Variants in CDH6 observed in about 807,000 individuals in gnomAD.
CDH6 encodes cadherin-6.
CDH6 carries 31 observed loss-of-function variants against 78.0 expected under a neutral mutation model. The observed-to-expected ratio is 0.40, with a 90% CI of 0.30 to 0.54. The LOEUF (loss-of-function observed/expected upper bound fraction) is 0.54. Ranked by LOEUF, CDH6 falls within the 20% of genes least tolerant of loss-of-function variation. The probability of loss-of-function intolerance (pLI) is 0.56; values close to 1 mark genes in which losing one functional copy is unlikely to be tolerated. For missense variants in CDH6, 724 were observed against 975.9 expected (o/e 0.74, Z 3.44); for synonymous variants, 376 against 368.8 (o/e 1.02, Z -0.23).
rs756666660 is a variant in CDH6 at position 31,317,812 on chromosome 5, A to C, written c.1770A>C (p.Ala590=). ...STGTVTVRVC[A]CDHHGNMQSC... is the part of the protein sequence containing the mutation. Reference sequence around the variant, plus strand: ...GGACAGTGACTGTCCGGGTCTGTGCATGTGACCACCACGGGAACATGCAAT... The same window carrying C: ...GGACAGTGACTGTCCGGGTCTGTGCCTGTGACCACCACGGGAACATGCAAT... The change falls in exon 11 of 12, where the codon GCA becomes GCC. Residue 590 remains alanine (A), a synonymous_variant. Coordinates refer to ENST00000265071, the MANE Select transcript of CDH6 (RefSeq NM_004932.4). The C allele has an allele frequency of 5.0e-5, 81 of 1,614,140 alleles. No individual in the cohort carries two copies. In the Middle Eastern group the frequency reaches 2.0e-3, roughly 39 times the overall value.
intron 11 of CDH6, among the ~76,000 whole-genome samples, chr5:31,321,842 C>G (rs555975656): frequency 6.6e-6 from 1 of 152,240 alleles, no homozygotes; most frequent in South Asian, 2.1e-4. Flanking sequence ...TAACAATTCA[C>G]TTTTTGGCCT....
intron 6 of CDH6, among the ~76,000 whole-genome samples, chr5:31,304,964 T>A (rs185351289): frequency 1.3e-3 from 195 of 152,300 alleles, no homozygotes; most frequent in African/African-American, 4.4e-3. Flanking sequence ...ACAAACTTTA[T>A]AATCGTTTCC....
intron 1 of CDH6, among the ~76,000 whole-genome samples, chr5:31,196,954 C>T (rs928564350): frequency 1.3e-5 from 2 of 151,804 alleles, no homozygotes; most frequent in Admixed American, 6.6e-5. Flanking sequence ...AGAGCGCCGC[C>T]GCCCCCCGCC....
chr5:31,261,089 T>G (rs1350703585), intron 1 of CDH6, among the ~76,000 whole-genome samples: 1 of 150,692 alleles, frequency 6.6e-6, no homozygotes, highest in Non-Finnish European at 1.5e-5. Context: ...AATACCATAT[T>G]TTTTTTTAAG....
intron 1 of CDH6, among the ~76,000 whole-genome samples, chr5:31,212,935 C>T (rs7714566): frequency 0.046 from 6,984 of 152,168 alleles, 258 homozygotes; most frequent in African/African-American, 0.11. Context: ...CTATTTTTCC[C>T]GTAGTCATTT....
intron 1 of CDH6, among the ~76,000 whole-genome samples, chr5:31,221,465 G>T (rs2111831663): frequency 6.6e-6 from 1 of 152,222 alleles, no homozygotes; most frequent in African/African-American, 2.4e-5. Flanking sequence ...TCATTCTCTA[G>T]AATTTTCAAA....
At chr5:31,199,717 C>CTCTATATATATATATATATA (rs1740295202) in intron 1 of CDH6, among the ~76,000 whole-genome samples, 1 of 114,746 alleles carries the variant, frequency 8.7e-6, no homozygotes, top group South Asian at 3.0e-4. Context: ...ATATATATAT[C>CTCTATATATATATATATATA]TCAAAGATAA....
intron 2 of CDH6, among the ~76,000 whole-genome samples, chr5:31,289,090 G>T (rs922888972): frequency 1.3e-5 from 2 of 152,268 alleles, no homozygotes; most frequent in African/African-American, 2.4e-5. Flanking sequence ...ATTGGACATT[G>T]TACCCAGTAG....
intron 1 of CDH6, among the ~76,000 whole-genome samples, chr5:31,254,507 A>T (rs775821123): frequency 6.6e-6 from 1 of 152,210 alleles, no homozygotes; most frequent in African/African-American, 2.4e-5. Context: ...CTTAGTTAAG[A>T]TGGAAAAGGC....
chr5:31,292,537 ACTGTTGTTG>A (rs1468195736), intron 2 of CDH6, among the ~76,000 whole-genome samples: 2 of 152,056 alleles, frequency 1.3e-5, no homozygotes, highest in African/African-American at 4.8e-5. Context: ...ACTTGGCATA[ACTGTTGTTG>A]CTGTTGTTGT....
intron 1 of CDH6, among the ~76,000 whole-genome samples, chr5:31,263,331 T>G (rs1742260958): frequency 6.6e-6 from 1 of 150,756 alleles, no homozygotes; most frequent in African/African-American, 2.4e-5. Context: ...TGATCTCTGC[T>G]CACTGCAACC....
In CDH6 at chr5:31,274,662, A is replaced by G. The variant is rs551141313; in HGVS notation, c.228+6961A>G. Among the ~76,000 whole-genome samples, 64 of 152,316 alleles carry G rather than the reference A, an allele frequency of 4.2e-4. 1 individual carries two copies. The South Asian group carries it at 0.012, about 30-fold the overall frequency. ...TGGCAAAACCCCATCTCTACTAAAA[A>G]TACAAAAATTAGACGGGCGTGGTAG... On this transcript the variant is annotated intron_variant, in intron 2 of 11. Coordinates refer to ENST00000265071, the MANE Select transcript of CDH6 (RefSeq NM_004932.4).
intron 2 of CDH6, among the ~76,000 whole-genome samples, chr5:31,279,352 G>A (rs1742791282): frequency 6.6e-6 from 1 of 152,140 alleles, no homozygotes; most frequent in Admixed American, 6.5e-5. Context: ...TGGATCACCT[G>A]AGCCCAGAAG....
intron 1 of CDH6, among the ~76,000 whole-genome samples, chr5:31,258,695 T>A (rs1335883681): frequency 6.6e-6 from 1 of 152,124 alleles, no homozygotes; most frequent in South Asian, 2.1e-4. Flanking sequence ...AAGACTTCCA[T>A]GTGTGTAGAG....
chr5:31,294,486 TG>T lies in CDH6; in HGVS notation c.523+233del, dbSNP rs1737524927. On this transcript the variant is annotated intron_variant, in intron 3 of 11. Coordinates refer to ENST00000265071, the MANE Select transcript of CDH6 (RefSeq NM_004932.4). This position sits in a 1 kb window ranked among gnomAD's most constrained non-coding sequence, Gnocchi z 4.1. ...AAAGAGGGTCTGAAAAGTGGCAGGG[TG>T]GGAGTGGGAGGTTGAAAGAGAGACC... Among the ~76,000 whole-genome samples the T allele has an allele frequency of 6.6e-6, 1 of 152,066 alleles. No individual in the cohort carries two copies. The highest frequency in any genetic ancestry group is 6.5e-5 in the Admixed American group (1 of 15,268).
In CDH6 at chr5:31,305,197, A is replaced by C; in HGVS notation, c.1023A>C (p.Lys341Asn). 2 of 1,612,570 alleles carry C rather than the reference A, an allele frequency of 1.2e-6. No homozygotes were observed. Among genetic ancestry groups the C allele is most frequent in the South Asian group, 1.1e-5 (1 of 90,678 alleles). The change falls in exon 7 of 12, where the codon AAA becomes AAC. Residue 341 changes from lysine (K) to asparagine (N), a missense_variant. Lys to Asn is a moderately conservative substitution (Grantham distance 94). Transcript: ENST00000265071. Reference protein sequence around the residue: ...VKKLLDFEKKKVYTLKVEASN... With the variant: ...VKKLLDFEKKNVYTLKVEASN... ...AGCTCTTGGACTTTGAAAAGAAGAA[A>C]GTGTATACCCTTAAAGTGGAAGCCT...
chr5:31,288,941 T>G (rs910013208), intron 2 of CDH6, among the ~76,000 whole-genome samples: 1 of 152,204 alleles, frequency 6.6e-6, no homozygotes, highest in Non-Finnish European at 1.5e-5. Flanking sequence ...AAGCTTTTGT[T>G]TGGATTGTTT....
intron 1 of CDH6, among the ~76,000 whole-genome samples, chr5:31,243,463 G>A (rs959249409): frequency 1.6e-4 from 25 of 152,188 alleles, no homozygotes; most frequent in African/African-American, 6.0e-4. Flanking sequence ...GAAGATTTTA[G>A]TGAAAATAGT....
chr5:31,305,944 A>C (rs1485965210), intron 7 of CDH6, among the ~76,000 whole-genome samples: 1 of 152,238 alleles, frequency 6.6e-6, no homozygotes, highest in African/African-American at 2.4e-5. Context: ...ACCTTAAAAA[A>C]ACACAAATTT....
Sources: allele counts gnomAD v4.1 joint callset (sites outside exome capture counted in the v4.1 genomes callset), GRCh38; gene constraint gnomAD v4.1.1; non-coding constraint Gnocchi (gnomAD v3.1); transcripts MANE v1.5; gene names NCBI Gene and HGNC (gene_info 2026-07-23, HGNC 2026-07-21).